Variants in FFAR1 observed in about 807,000 individuals in gnomAD.
The protein encoded by FFAR1 is free fatty acid receptor 1.
For missense variants in FFAR1, 424 were observed against 396.2 expected (o/e 1.07, Z -0.60); for synonymous variants, 216 against 201.5 (o/e 1.07, Z -0.61).
exon 1 of FFAR1, chr19:35,352,459 A>G (rs2066950082): frequency 1.3e-6 from 2 of 1,550,052 alleles, no homozygotes; most frequent in South Asian, 2.4e-5. Flanking sequence ...AAGTAACGCC[A>G]CTGCTCGGGG....
At chr19:35,349,625 G>A (rs2066936048), upstream of FFAR1, among the ~76,000 whole-genome samples, 1 of 152,206 alleles carries the variant, frequency 6.6e-6, no homozygotes, top group Non-Finnish European at 1.5e-5. Flanking sequence ...GATAGGCTGA[G>A]ACCCCCTTGC....
exon 1 of FFAR1, chr19:35,351,845 C>G (rs541591995): frequency 6.2e-7 from 1 of 1,612,076 alleles, no homozygotes; most frequent in Non-Finnish European, 8.5e-7. Context: ...GCTTCCTGGC[C>G]GCCCTGAGTG....
At chr19:35,352,417 G>A (rs749874342) in exon 1 of FFAR1, 5 of 1,554,936 alleles carry the variant, frequency 3.2e-6, no homozygotes, top group Non-Finnish European at 4.4e-6. Flanking sequence ...AAGACAGTGT[G>A]TGCGGCAAGA....
upstream of FFAR1, among the ~76,000 whole-genome samples, chr19:35,349,177 C>T (rs151281076): frequency 5.1e-3 from 771 of 152,264 alleles, 10 homozygotes; most frequent in African/African-American, 0.018. Context: ...CAGACCAAAG[C>T]CTTTGCCCTC....
rs75455784 is a variant in FFAR1, at chr19:35,351,587, T to C, written c.36T>C (p.Tyr12=). Residue 12 remains tyrosine (Y), a synonymous_variant, in exon 1 of 1, where the codon TAT becomes TAC. Coordinates refer to ENST00000246553, the Ensembl canonical transcript of FFAR1. ...CCCCGCAGCTCTCCTTCGGCCTCTA[T>C]GTGGCCGCCTTTGCGCTGGGCTTCC... 2.3e-3 allele frequency: 3,557 copies of C among 1,541,224 alleles called. 63 individuals are homozygous for C. The African/African-American group carries it at 0.042, about 18-fold the overall frequency.
At chr19:35,352,973 G>C (rs2066952226) in exon 1 of FFAR1, 1 of 166,478 alleles carries the variant, frequency 6.0e-6, no homozygotes, top group Admixed American at 5.5e-5. Context: ...TGGAACGGAG[G>C]CTGGCAGGAA....
upstream of FFAR1, chr19:35,351,450 C>A (rs2066943812): frequency 9.7e-7 from 1 of 1,034,642 alleles, no homozygotes; most frequent in Non-Finnish European, 1.4e-6. Flanking sequence ...AGGGCTGGAA[C>A]CCGCGAGTGA....
chr19:35,351,467 G>A, upstream of FFAR1: 2 of 1,229,290 alleles, frequency 1.6e-6, no homozygotes, highest in African/African-American at 1.5e-5. Context: ...GTGATCCCAG[G>A]AGCCCCTCCT....
exon 1 of FFAR1, chr19:35,351,708 C>T (rs868401114): frequency 1.3e-6 from 2 of 1,565,192 alleles, no homozygotes; most frequent in Non-Finnish European, 1.7e-6. Context: ...CTGCTCCGAC[C>T]TGCTGCTGAC....
chr19:35,349,365 T>C (rs991741729), upstream of FFAR1, among the ~76,000 whole-genome samples: 1 of 152,142 alleles, frequency 6.6e-6, no homozygotes, highest in Non-Finnish European at 1.5e-5. Context: ...GCAGAGAAGA[T>C]CTGGAAAACC....
chr19:35,352,605 A>G, exon 1 of FFAR1: 1 of 800,664 alleles, frequency 1.2e-6, no homozygotes. Context: ...TGCTGAGGGC[A>G]GCACCCCAGT....
upstream of FFAR1, among the ~76,000 whole-genome samples, chr19:35,351,115 G>A (rs1208416343): frequency 6.6e-6 from 1 of 152,300 alleles, no homozygotes; most frequent in Non-Finnish European, 1.5e-5. Flanking sequence ...GGAGGGCAGT[G>A]GGCTCAGGAG....
exon 1 of FFAR1, chr19:35,353,447 T>G (rs2066953661): frequency 6.6e-6 from 1 of 152,086 alleles, no homozygotes; most frequent in South Asian, 2.1e-4. Context: ...ATCGCACCAC[T>G]GCACTCCAGC....
chr19:35,352,352 G>T (rs1332540923), exon 1 of FFAR1: 11 of 1,552,546 alleles, frequency 7.1e-6, no homozygotes, highest in Non-Finnish European at 9.6e-6. Context: ...CGGGTGCCTG[G>T]AGTGTGGTGC....
In FFAR1 at chr19:35,352,444, C is replaced by A. The variant is rs74530614; in HGVS notation, c.893C>A (p.Ser298Tyr). The change falls in exon 1 of 1, where the codon TCC becomes TAC. Residue 298 changes from serine to tyrosine, a missense_variant. Coordinates refer to ENST00000246553, the Ensembl canonical transcript of FFAR1. ...GCGGCAAGAACGCAAGGGGGCAAGT[C>A]CCAGAAGTAACGCCACTGCTCGGGG... 1.5e-3 allele frequency: 2,277 copies of A among 1,552,512 alleles called. 41 individuals are homozygous for A. The East Asian group carries it at 0.024, about 16-fold the overall frequency.
At chr19:35,353,099 CTG>C (rs1481962567) in exon 1 of FFAR1, 2 of 155,246 alleles carry the variant, frequency 1.3e-5, no homozygotes, top group African/African-American at 2.4e-5. Context: ...AGTGGAAAAT[CTG>C]TGCATGACTT....
At chr19:35,349,855 A>C (rs1444548978), upstream of FFAR1, among the ~76,000 whole-genome samples, 1 of 152,220 alleles carries the variant, frequency 6.6e-6, no homozygotes, top group Non-Finnish European at 1.5e-5. Context: ...CAGAGACAGA[A>C]TCACAGAGCA....
exon 1 of FFAR1, chr19:35,352,880 T>G: frequency 4.6e-6 from 1 of 215,404 alleles, no homozygotes; most frequent in Non-Finnish European, 9.4e-6. Flanking sequence ...GAACATTTGA[T>G]TTCCGAGTAG....
At chr19:35,352,987 A>C (rs558095771) in exon 1 of FFAR1, 142 of 166,088 alleles carry the variant, frequency 8.5e-4, no homozygotes, top group Middle Eastern at 3.2e-3. Context: ...GCAGGAAAAG[A>C]TGCTTCAGCC....
Sources: allele counts gnomAD v4.1 joint callset (sites outside exome capture counted in the v4.1 genomes callset), GRCh38; gene constraint gnomAD v4.1.1; transcripts MANE v1.5; gene names NCBI Gene and HGNC (gene_info 2026-07-23, HGNC 2026-07-21).